SERHL2: variants seen among roughly 807,000 people sequenced by gnomAD.
SERHL2 encodes serine hydrolase-like protein 2.
A neutral mutation model predicts 25.5 loss-of-function variants in SERHL2; 29 were observed. That is an observed-to-expected ratio of 1.14 (90% CI 0.85 to 1.55). The LOEUF (loss-of-function observed/expected upper bound fraction) is 1.55, where lower values mean the gene tolerates loss of function less well. Among genes scored for constraint, SERHL2 ranks in the 40% most tolerant of loss-of-function variants. The pLI is 0.00. For synonymous variants in SERHL2, 95 were observed against 103.5 expected, an observed-to-expected ratio of 0.92 and a Z score of 0.50; for missense variants, 240 against 252.3, an observed-to-expected ratio of 0.95 and a Z score of 0.33.
Position 42,554,008 on chromosome 22 carries a change from C to A in SERHL2, c.-13C>A, listed in dbSNP as rs1270259809. On this transcript the variant is annotated 5_prime_UTR_variant, in exon 1 of 12. Coordinates refer to ENST00000327678, the MANE Select transcript of SERHL2 (RefSeq NM_014509.5). Reference sequence around the variant, plus strand: ...TGAGGGAGTGACAGCAGCGCATTCGCGGGACGAGAGCGATGAGTGAGAACG... The same window carrying A: ...TGAGGGAGTGACAGCAGCGCATTCGAGGGACGAGAGCGATGAGTGAGAACG... The A allele has an allele frequency of 1.9e-6, 3 of 1,613,402 alleles. No individual in the cohort carries two copies. Among genetic ancestry groups the A allele is most frequent in the East Asian group, 2.2e-5 (1 of 44,838 alleles).
intron 9 of SERHL2, among the ~76,000 whole-genome samples, chr22:42,566,540 AGCGAGACTCCATCTCAAG>A: frequency 8.0e-5 from 12 of 149,776 alleles, no homozygotes; most frequent in Admixed American, 8.0e-4. Flanking sequence ...TGGGCGACAG[AGCGAGACTCCATCTCAAG>A]AAAAAAAAAA....
In SERHL2 at chr22:42,554,065, G is replaced by C. The variant is rs369327833; in HGVS notation, c.22+23G>C. 147 of 1,612,054 alleles carry C rather than the reference G, an allele frequency of 9.1e-5. 1 individual carries two copies. The highest frequency in any genetic ancestry group is 1.2e-4 in the Non-Finnish European group (144 of 1,179,068). Reference sequence around the variant, plus strand: ...CAGGTCTGACGGGGAGGCCTTGTGCGAGCGTCCCACTGCCCACCCACCTGG... The same window carrying C: ...CAGGTCTGACGGGGAGGCCTTGTGCCAGCGTCCCACTGCCCACCCACCTGG... On this transcript the variant is annotated intron_variant, in intron 1 of 11. Coordinates refer to ENST00000327678, the MANE Select transcript of SERHL2 (RefSeq NM_014509.5).
At chr22:42,563,784 G>A (rs956734241) in intron 8 of SERHL2, among the ~76,000 whole-genome samples, 1 of 151,910 alleles carries the variant, frequency 6.6e-6, no homozygotes, top group Non-Finnish European at 1.5e-5. Flanking sequence ...TAAAAATACA[G>A]ATTTCTAGAC....
In SERHL2 at chr22:42,571,223, C is replaced by G; in HGVS notation, c.731+20C>G. 2.5e-6 allele frequency: 4 copies of G among 1,607,498 alleles called. No homozygotes were observed. Among genetic ancestry groups the G allele is most frequent in the Non-Finnish European group, 3.4e-6 (4 of 1,177,918 alleles). On this transcript the variant is annotated intron_variant, in intron 10 of 11. Coordinates refer to ENST00000327678, the MANE Select transcript of SERHL2 (RefSeq NM_014509.5). ...GATCAAGTAAGTCTGGACCCATCCC[C>G]TTCAGCCACCCGCCAAGGAGACATG... is the stretch of plus-strand genomic sequence containing the variant.
chr22:42,571,275 C>G, intron 10 of SERHL2, 72 bp downstream of exon 10: 1 of 1,599,900 alleles, frequency 6.3e-7, no homozygotes, highest in South Asian at 1.1e-5. Context: ...GGGAGGGGGC[C>G]CTGGCATGAG....
At chr22:42,562,249 G>A (rs1922777220) in intron 8 of SERHL2, among the ~76,000 whole-genome samples, 1 of 151,748 alleles carries the variant, frequency 6.6e-6, no homozygotes, top group South Asian at 2.1e-4. Flanking sequence ...CCAACCCCAG[G>A]GCCCCTGAGA....
At position 42,574,241 on chromosome 22, in the gene SERHL2, G is replaced by A; in HGVS notation, c.*186G>A. ...TCAACATCTGTGACCTCAAGGGGGA[G>A]ACAGAGTCTGGGTTCCAGGGCTGCT... On this transcript the variant is annotated 3_prime_UTR_variant, in exon 12 of 12. Coordinates refer to ENST00000327678, the MANE Select transcript of SERHL2 (RefSeq NM_014509.5). The A allele has an allele frequency of 5.0e-6, 3 of 598,386 alleles. No homozygotes were observed. Among genetic ancestry groups the A allele is most frequent in the Non-Finnish European group, 8.8e-6 (3 of 338,994 alleles). 37.1% of individuals were successfully genotyped at this position (598,386 alleles called of 1,614,324 possible).
chr22:42,564,588 T>G (rs1255106888), intron 8 of SERHL2, among the ~76,000 whole-genome samples: 1 of 151,446 alleles, frequency 6.6e-6, no homozygotes, highest in Non-Finnish European at 1.5e-5. Context: ...CCCACCACCA[T>G]GCCTGGCTAA....
intron 8 of SERHL2, among the ~76,000 whole-genome samples, chr22:42,563,190 CTTTTTTTTTT>C (rs754138896): frequency 1.0e-5 from 1 of 97,984 alleles, no homozygotes; most frequent in African/African-American, 5.8e-5. Flanking sequence ...TTCTTTTTTT[CTTTTTTTTTT>C]TTTTTGTTGT....
intron 8 of SERHL2, among the ~76,000 whole-genome samples, chr22:42,561,600 TAATCAAGTGGGAATTC>T (rs1922690994): frequency 6.6e-6 from 1 of 151,630 alleles, no homozygotes; most frequent in African/African-American, 2.4e-5. Context: ...GGGCCGGTGC[TAATCAAGTGGGAATTC>T]AGTCTCGTGT....
At chr22:42,567,677 A>AAAAT (rs200455074) in intron 9 of SERHL2, among the ~76,000 whole-genome samples, 1 of 146,160 alleles carries the variant, frequency 6.8e-6, no homozygotes, top group Non-Finnish European at 1.5e-5. Flanking sequence ...TGTCAAAAAA[A>AAAAT]AAATAAATAA....
At chr22:42,568,390 C>G (rs1268554034) in intron 9 of SERHL2, among the ~76,000 whole-genome samples, 1 of 151,080 alleles carries the variant, frequency 6.6e-6, no homozygotes, top group African/African-American at 2.4e-5. Context: ...CTAAGGCTCA[C>G]TCACTGGTGG....
intron 8 of SERHL2, 53 bp from the exon 9 acceptor site, chr22:42,566,251 C>T: frequency 6.3e-7 from 1 of 1,587,984 alleles, no homozygotes; most frequent in Non-Finnish European, 8.6e-7. Context: ...CGGAGCGTCC[C>T]CTGACCCTGA....
chr22:42,566,682 C>T (rs1923438591), intron 9 of SERHL2, among the ~76,000 whole-genome samples: 1 of 152,038 alleles, frequency 6.6e-6, no homozygotes, highest in African/African-American at 2.4e-5. Context: ...AGGAGGGAGA[C>T]ATCCCAGGCA....
chr22:42,566,216 G>A (rs1923356122), intron 8 of SERHL2, 88 bp from the exon 9 acceptor site: 1 of 1,356,190 alleles, frequency 7.4e-7, no homozygotes, highest in Non-Finnish European at 1.0e-6. Flanking sequence ...TGGCTGCAAA[G>A]GCCTGGAGGG....
rs1403247094 is a variant in SERHL2, at chr22:42,566,348, A to C, written c.648+10A>C. Reference sequence around the variant, plus strand: ...CCAGAGGCTCGCCTGGGTGAGTACCACTGCCTCCGGGTCCCCCGCCAAGGT... The same window carrying C: ...CCAGAGGCTCGCCTGGGTGAGTACCCCTGCCTCCGGGTCCCCCGCCAAGGT... On this transcript the variant is annotated intron_variant, in intron 9 of 11. Transcript: ENST00000327678. 11 of 1,611,084 alleles carry C rather than the reference A, an allele frequency of 6.8e-6. No individual in the cohort carries two copies. The East Asian group carries it at 2.5e-4, about 36-fold the overall frequency.
Position 42,554,034 on chromosome 22 carries a change from C to T in SERHL2, c.14C>T (p.Ala5Val). ...GGGACGAGAGCGATGAGTGAGAACG[C>T]CGCACCAGGTCTGACGGGGAGGCCT... is the stretch of plus-strand genomic sequence containing the variant. MSEN[A>V]APGLISELKL... Residue 5 changes from alanine to valine, a missense_variant, in exon 1 of 12, where the codon GCC (alanine) becomes GTC (valine). Ala to Val is a moderately conservative substitution (Grantham distance 64, BLOSUM62 0). Coordinates refer to ENST00000327678, the MANE Select transcript of SERHL2 (RefSeq NM_014509.5). 2 of 1,613,638 alleles carry T rather than the reference C, an allele frequency of 1.2e-6. No individual in the cohort carries two copies. Among genetic ancestry groups the T allele is most frequent in the Non-Finnish European group, 1.7e-6 (2 of 1,179,816 alleles).
chr22:42,568,497 AC>A (rs1421496667), intron 9 of SERHL2, among the ~76,000 whole-genome samples: 1 of 151,846 alleles, frequency 6.6e-6, no homozygotes, highest in Non-Finnish European at 1.5e-5. Flanking sequence ...GTCCTTAGGG[AC>A]CATGTCTTAT....
intron 8 of SERHL2, among the ~76,000 whole-genome samples, chr22:42,563,182 CT>C (rs916641877): frequency 1.3e-4 from 16 of 125,708 alleles, no homozygotes; most frequent in Admixed American, 7.2e-4. Context: ...CTGGCTTTTT[CT>C]TTTTTTCTTT....
Sources: allele counts gnomAD v4.1 joint callset (sites outside exome capture counted in the v4.1 genomes callset), GRCh38; gene constraint gnomAD v4.1.1; transcripts MANE v1.5; gene names NCBI Gene and HGNC (gene_info 2026-07-23, HGNC 2026-07-21).